YWHAG: variants seen among roughly 807,000 people sequenced by gnomAD.
YWHAG encodes tyrosine 3-monooxygenase/tryptophan 5-monooxygenase activation protein gamma.
YWHAG carries 1 observed loss-of-function variant against 23.3 expected under a neutral mutation model. That is an observed-to-expected ratio of 0.04 (90% CI 0.02 to 0.20). The LOEUF (loss-of-function observed/expected upper bound fraction) is 0.20, where lower values mean the gene tolerates loss of function less well. Among genes scored for constraint, YWHAG ranks in the 10% least tolerant of loss-of-function variants. The probability of loss-of-function intolerance (pLI) is 1.00; values close to 1 mark genes in which losing one functional copy is unlikely to be tolerated. For synonymous variants in YWHAG, 160 were observed against 144.0 expected (o/e 1.11, Z -0.80); for missense variants, 151 against 338.6 (o/e 0.45, Z 4.35).
intron 1 of YWHAG, among the ~76,000 whole-genome samples, chr7:76,339,362 C>T (rs1275191880): frequency 6.6e-6 from 1 of 151,982 alleles, no homozygotes; most frequent in Non-Finnish European, 1.5e-5. Context: ...CCCAGCTACT[C>T]GGGAGGCGGA....
At chr7:76,333,691 T>G (rs931866382) in intron 1 of YWHAG, among the ~76,000 whole-genome samples, 1 of 152,198 alleles carries the variant, frequency 6.6e-6, no homozygotes, top group African/African-American at 2.4e-5. Flanking sequence ...GCTGAGCCCT[T>G]GGGCGCTGCT....
chr7:76,329,439 A>G lies in YWHAG; in HGVS notation c.*138T>C. 8.6e-7 allele frequency: 1 copy of G among 1,156,976 alleles called. No individual in the cohort carries two copies. The highest frequency in any genetic ancestry group is 2.6e-5 in the East Asian group (1 of 38,654). 71.7% of individuals were successfully genotyped at this position (1,156,976 alleles called of 1,614,324 possible). ...TGGCAAAAATGTCAAAGAGGCGATC[A>G]AAGACAGGACAGGTCGTGGGTTTCT... On this transcript the variant is annotated 3_prime_UTR_variant, in exon 2 of 2. Transcript: ENST00000307630. This position sits in a 1 kb window ranked among gnomAD's most constrained non-coding sequence, Gnocchi z 6.1.
chr7:76,340,115 C>T (rs1803670087), intron 1 of YWHAG, among the ~76,000 whole-genome samples: 1 of 152,004 alleles, frequency 6.6e-6, no homozygotes, highest in Non-Finnish European at 1.5e-5. Context: ...CACACACATA[C>T]ACACACAAAC....
rs145754520 is a variant in YWHAG at position 76,329,742 on chromosome 7, C to T, written c.579G>A (p.Ala193=). Residue 193 remains alanine, a synonymous_variant, in exon 2 of 2, where the codon GCG becomes GCA. Coordinates refer to ENST00000307630, the MANE Select transcript of YWHAG (RefSeq NM_012479.4). The surrounding 1 kb of genome is among the most constrained non-coding windows in gnomAD (Gnocchi z 6.1). Reference sequence around the variant, plus strand: ...CGAACGCGGTCTTGGCCAAGTGGCACGCTTGCTCTGGGGCGTTCTGGATCT... The same window carrying T: ...CGAACGCGGTCTTGGCCAAGTGGCATGCTTGCTCTGGGGCGTTCTGGATCT... ...YYEIQNAPEQ[A]CHLAKTAFDD... is the part of the protein sequence containing the mutation. 1.1e-4 allele frequency: 171 copies of T among 1,614,040 alleles called. No individual in the cohort carries two copies. Among genetic ancestry groups the T allele is most frequent in the Non-Finnish European group, 2.5e-5 (29 of 1,180,044 alleles).
intron 1 of YWHAG, among the ~76,000 whole-genome samples, chr7:76,357,572 T>C (rs1803979004): frequency 6.6e-6 from 1 of 152,184 alleles, no homozygotes; most frequent in African/African-American, 2.4e-5. Flanking sequence ...AATACAGGGA[T>C]GAATCTGCAA....
chr7:76,333,400 G>A (rs1046381170), intron 1 of YWHAG, among the ~76,000 whole-genome samples: 1 of 152,224 alleles, frequency 6.6e-6, no homozygotes, highest in Non-Finnish European at 1.5e-5. Flanking sequence ...ATTGTGCCCA[G>A]CAAAGTCTTC....
intron 1 of YWHAG, among the ~76,000 whole-genome samples, chr7:76,351,295 CCCTT>C (rs779575147): frequency 1.4e-4 from 21 of 152,182 alleles, no homozygotes; most frequent in Non-Finnish European, 2.8e-4. Context: ...CTTCCCTACT[CCCTT>C]GTCCCCACTA....
Position 76,329,174 on chromosome 7 carries a change from C to T in YWHAG, c.*403G>A, listed in dbSNP as rs1053668885. The T allele has an allele frequency of 1.6e-5, 3 of 181,878 alleles. No individual in the cohort carries two copies. The highest frequency in any genetic ancestry group is 7.2e-5 in the African/African-American group (3 of 41,840). The allele number at this position is 181,878 out of a possible 1,614,324, so 11.3% of individuals were successfully genotyped here. On this transcript the variant is annotated 3_prime_UTR_variant, in exon 2 of 2. Coordinates refer to ENST00000307630, the MANE Select transcript of YWHAG (RefSeq NM_012479.4). The surrounding 1 kb of genome is among the most constrained non-coding windows in gnomAD (Gnocchi z 6.1). ...CCGAGACAGATGAGATAGAAAGTACCCAAAACGAGAGACGAGAGCGTATGT... is the reference window on the plus strand; with the variant it reads ...CCGAGACAGATGAGATAGAAAGTACTCAAAACGAGAGACGAGAGCGTATGT...
chr7:76,351,535 T>G (rs1583993799), intron 1 of YWHAG, among the ~76,000 whole-genome samples: 1 of 152,238 alleles, frequency 6.6e-6, no homozygotes, highest in East Asian at 1.9e-4. Flanking sequence ...CGAACCTGGC[T>G]GCAGAGCAGG....
intron 1 of YWHAG, among the ~76,000 whole-genome samples, chr7:76,348,183 T>C (rs926206580): frequency 3.3e-5 from 5 of 151,912 alleles, no homozygotes; most frequent in African/African-American, 1.2e-4. Flanking sequence ...AAGAGATCAA[T>C]TGAAACAACA....
chr7:76,336,708 G>C (rs1299662024), intron 1 of YWHAG, among the ~76,000 whole-genome samples: 1 of 151,336 alleles, frequency 6.6e-6, no homozygotes, highest in African/African-American at 2.4e-5. Flanking sequence ...CACCCGCCTC[G>C]GCCTCCCAAA....
chr7:76,336,968 GCAGA>G (rs1257562135), intron 1 of YWHAG, among the ~76,000 whole-genome samples: 26 of 152,316 alleles, frequency 1.7e-4, no homozygotes, highest in African/African-American at 5.5e-4. Flanking sequence ...GATACACCAT[GCAGA>G]CAGTGGATAA....
intron 1 of YWHAG, among the ~76,000 whole-genome samples, chr7:76,350,660 A>G (rs1410992809): frequency 6.6e-6 from 1 of 152,202 alleles, no homozygotes; most frequent in East Asian, 1.9e-4. Context: ...CCTGGCCAAC[A>G]TGGGGAAACC....
At chr7:76,347,513 G>C (rs1204616546) in intron 1 of YWHAG, among the ~76,000 whole-genome samples, 1 of 152,122 alleles carries the variant, frequency 6.6e-6, no homozygotes, top group African/African-American at 2.4e-5. Flanking sequence ...TTGAACCTGG[G>C]AGGTGGAGGT....
intron 1 of YWHAG, among the ~76,000 whole-genome samples, chr7:76,337,115 C>T (rs979153932): frequency 2.0e-5 from 3 of 152,148 alleles, no homozygotes; most frequent in Admixed American, 1.3e-4. Flanking sequence ...CAAACATGAA[C>T]TCCCTTCTGT....
chr7:76,349,444 GACACAC>G (rs34840797), intron 1 of YWHAG, among the ~76,000 whole-genome samples: 26 of 143,246 alleles, frequency 1.8e-4, no homozygotes, highest in African/African-American at 4.9e-4. Flanking sequence ...CACACACACA[GACACAC>G]ACACACACAC....
chr7:76,330,326 T>A (rs1803524539), intron 1 of YWHAG, 93 bp from the exon 2 acceptor site: 2 of 1,304,230 alleles, frequency 1.5e-6, no homozygotes, highest in Non-Finnish European at 1.0e-6. Context: ...CTCTGTTGAG[T>A]AACATGATGA....
intron 1 of YWHAG, among the ~76,000 whole-genome samples, chr7:76,335,978 T>C (rs1327882658): frequency 6.6e-6 from 1 of 152,104 alleles, no homozygotes; most frequent in Non-Finnish European, 1.5e-5. Context: ...AAAAAAGTTA[T>C]GAATGCAACT....
chr7:76,349,803 G>A (rs1803847195), intron 1 of YWHAG, among the ~76,000 whole-genome samples: 1 of 152,120 alleles, frequency 6.6e-6, no homozygotes, highest in African/African-American at 2.4e-5. Context: ...AGATCAGCCT[G>A]GCTAACATGG....
Sources: gnomAD v4.1 joint callset for allele counts (sites outside exome capture counted in the v4.1 genomes callset) on GRCh38, gnomAD v4.1.1 for gene constraint, Gnocchi (gnomAD v3.1) non-coding constraint, MANE v1.5 for transcripts, NCBI Gene and HGNC (gene_info 2026-07-23, HGNC 2026-07-21) for gene names.